ANKRD11: variants seen among roughly 807,000 people sequenced by gnomAD.
ANKRD11 encodes the protein ankyrin repeat domain 11.
A neutral mutation model predicts 195.7 loss-of-function variants in ANKRD11; 17 were observed. That is an observed-to-expected ratio of 0.09 (90% CI 0.06 to 0.13). The LOEUF is 0.13. Ranked by LOEUF, ANKRD11 falls within the 10% of genes least tolerant of loss-of-function variation. ANKRD11 has a pLI of 1.00. For synonymous variants in ANKRD11, 1,953 were observed against 1,528.1 expected, an observed-to-expected ratio of 1.28 and a Z score of -6.49; for missense variants, 3,735 against 3,566.1, an observed-to-expected ratio of 1.05 and a Z score of -1.21.
chr16:89,286,635 A>T, intron 7 of ANKRD11: 1 of 1,207,798 alleles, frequency 8.3e-7, no homozygotes, highest in Non-Finnish European at 1.1e-6. Flanking sequence ...GGTTGGGGGG[A>T]CAGAATAGAG....
chr16:89,294,719 C>T (rs1040079288), intron 4 of ANKRD11, among the ~76,000 whole-genome samples: 3 of 152,188 alleles, frequency 2.0e-5, no homozygotes, highest in African/African-American at 4.8e-5. Context: ...ACACACAGCC[C>T]GTACCTGTAC....
At chr16:89,484,973 A>T (rs751882356) in intron 1 of ANKRD11, among the ~76,000 whole-genome samples, 4 of 152,202 alleles carry the variant, frequency 2.6e-5, no homozygotes, top group Non-Finnish European at 4.4e-5. Context: ...AGGACGCTGT[A>T]ACTGAGACAG....
At chr16:89,471,782 CAAAAAAAA>C (rs56391654) in intron 1 of ANKRD11, among the ~76,000 whole-genome samples, 974 of 53,520 alleles carry the variant, frequency 0.018, 18 homozygotes, top group African/African-American at 0.072. Context: ...GACTCTGTCT[CAAAAAAAA>C]AAAAAAAAAA....
At chr16:89,329,969 G>A (rs1446053866) in intron 2 of ANKRD11, among the ~76,000 whole-genome samples, 1 of 148,408 alleles carries the variant, frequency 6.7e-6, no homozygotes, top group South Asian at 2.1e-4. Flanking sequence ...CAGCCTGGGC[G>A]ACAGACAAGA....
At chr16:89,351,517 G>A (rs773332111) in intron 2 of ANKRD11, among the ~76,000 whole-genome samples, 4 of 152,118 alleles carry the variant, frequency 2.6e-5, no homozygotes, top group South Asian at 2.1e-4. Flanking sequence ...GGATCCTAGC[G>A]AACTTTTTCA....
intron 3 of ANKRD11, chr16:89,313,702 T>C (rs937282870): frequency 5.8e-6 from 5 of 867,862 alleles, no homozygotes; most frequent in East Asian, 1.3e-4. Flanking sequence ...GCAGGTCAGA[T>C]GTGTGCACCT....
chr16:89,467,578 C>T (rs1296206774), intron 1 of ANKRD11, among the ~76,000 whole-genome samples: 2 of 152,052 alleles, frequency 1.3e-5, no homozygotes, highest in South Asian at 2.1e-4. Flanking sequence ...GCTGCCCAGG[C>T]TGGTCTTGAG....
At chr16:89,289,247 C>T (rs533806357) in intron 6 of ANKRD11, among the ~76,000 whole-genome samples, 2 of 151,840 alleles carry the variant, frequency 1.3e-5, no homozygotes, top group African/African-American at 4.8e-5. Context: ...CGGAAGCACA[C>T]GGCACTGCTC....
intron 9 of ANKRD11, among the ~76,000 whole-genome samples, chr16:89,275,467 C>T (rs1021791914): frequency 6.6e-6 from 1 of 152,212 alleles, no homozygotes; most frequent in African/African-American, 2.4e-5. Flanking sequence ...TGTGGGCCAT[C>T]GTGTGCCAAG....
At position 89,280,098 on chromosome 16, in the gene ANKRD11, G is replaced by T. The variant is rs775364726; in HGVS notation, c.6444C>A (p.Ala2148=). ...LPELPLQTKD[A]ADGEAEPVEE... ...CCACGGGTTCCGCTTCACCATCTGC[G>T]GCATCTTTAGTCTGCAGGGGAAGCT... Residue 2148 remains alanine (A), a synonymous_variant, in exon 9 of 13, where the codon GCC becomes GCA. Transcript: ENST00000301030. The T allele has an allele frequency of 1.2e-6, 2 of 1,613,088 alleles. No individual in the cohort carries two copies. The highest frequency in any genetic ancestry group is 3.3e-5 in the Admixed American group (2 of 60,022).
At chr16:89,452,312 T>G (rs1389298328) in intron 1 of ANKRD11, among the ~76,000 whole-genome samples, 1 of 151,846 alleles carries the variant, frequency 6.6e-6, no homozygotes, top group Non-Finnish European at 1.5e-5. Context: ...TACAGCCAAG[T>G]GCACCCCTTA....
chr16:89,321,474 G>A (rs1317484240), intron 2 of ANKRD11, among the ~76,000 whole-genome samples: 1 of 151,072 alleles, frequency 6.6e-6, no homozygotes. Context: ...CGGGGACTGT[G>A]GGGCCGGGTG....
intron 3 of ANKRD11, among the ~76,000 whole-genome samples, chr16:89,310,139 C>T (rs2036529669): frequency 6.6e-6 from 1 of 152,246 alleles, no homozygotes; most frequent in Admixed American, 6.5e-5. Context: ...GACTGCAGCA[C>T]AGAGGTGCCA....
At chr16:89,369,877 C>T (rs1465109694) in intron 2 of ANKRD11, among the ~76,000 whole-genome samples, 2 of 152,212 alleles carry the variant, frequency 1.3e-5, no homozygotes, top group Non-Finnish European at 2.9e-5. Context: ...GCTCCCTGTT[C>T]TTTCTTACAT....
chr16:89,270,263 G>C, intron 12 of ANKRD11: 3 of 211,234 alleles, frequency 1.4e-5, no homozygotes, highest in Non-Finnish European at 2.9e-5. Context: ...GCCTGATACT[G>C]CAGGTAGCCG....
chr16:89,379,484 C>A (rs1315133669), intron 2 of ANKRD11, among the ~76,000 whole-genome samples: 1 of 152,196 alleles, frequency 6.6e-6, no homozygotes, highest in Non-Finnish European at 1.5e-5. Context: ...TTCCAGGAGT[C>A]CAACTTGAAC....
At chr16:89,441,867 G>C in intron 1 of ANKRD11, among the ~76,000 whole-genome samples, 1 of 149,824 alleles carries the variant, frequency 6.7e-6, no homozygotes, top group Non-Finnish European at 1.5e-5. Context: ...AATCTCTCTG[G>C]ATGGCAAGGT....
At chr16:89,488,840 A>T (rs2057707960) in intron 1 of ANKRD11, among the ~76,000 whole-genome samples, 1 of 152,216 alleles carries the variant, frequency 6.6e-6, no homozygotes, top group African/African-American at 2.4e-5. Flanking sequence ...CATGTAAGAA[A>T]GCCTGAAATC....
chr16:89,368,390 T>G (rs1041018464), intron 2 of ANKRD11, among the ~76,000 whole-genome samples: 11 of 139,132 alleles, frequency 7.9e-5, no homozygotes, highest in South Asian at 2.4e-4. Context: ...TTTTTTTTTT[T>G]TTTTTTTTTT....
Sources: gnomAD v4.1 joint callset for allele counts (sites outside exome capture counted in the v4.1 genomes callset) on GRCh38, gnomAD v4.1.1 for gene constraint, MANE v1.5 for transcripts, NCBI Gene and HGNC (gene_info 2026-07-23, HGNC 2026-07-21) for gene names.